Variants in ESR1 observed in about 807,000 individuals in gnomAD.
The protein encoded by ESR1 is estrogen receptor 1.
Under a neutral mutation model 52.7 loss-of-function variants are expected in ESR1, and 12 were observed. The ratio of observed to expected loss-of-function variants is 0.23; its 90% CI spans 0.15 to 0.37. The LOEUF is 0.37. ESR1 is among the 10% of genes least tolerant of loss of function. The pLI, the probability that ESR1 is intolerant of heterozygous loss-of-function variation, is 1.00. For missense variants in ESR1, 584 were observed against 779.7 expected (o/e 0.75, Z 2.99); for synonymous variants, 305 against 316.8 (o/e 0.96, Z 0.39).
intron 6 of ESR1, among the ~76,000 whole-genome samples, chr6:152,115,774 T>C (rs1274128760): frequency 1.3e-5 from 2 of 152,218 alleles, no homozygotes; most frequent in Admixed American, 6.5e-5. Context: ...ACAATTATTA[T>C]ACAAACTAGC....
intron 4 of ESR1, among the ~76,000 whole-genome samples, chr6:151,973,734 T>C (rs1260654261): frequency 2.0e-5 from 3 of 152,182 alleles, no homozygotes; most frequent in Non-Finnish European, 2.9e-5. Flanking sequence ...TAAGTATGAA[T>C]GCCACCTTGA....
intron 2 of ESR1, among the ~76,000 whole-genome samples, chr6:151,869,601 T>C (rs1251498289): frequency 5.9e-5 from 9 of 152,058 alleles, no homozygotes; most frequent in Non-Finnish European, 1.0e-4. Context: ...AAGTTAGAGG[T>C]TGGACAAAAA....
chr6:151,939,999 C>T (rs2034861402), intron 3 of ESR1, among the ~76,000 whole-genome samples: 1 of 151,988 alleles, frequency 6.6e-6, no homozygotes, highest in East Asian at 1.9e-4. Context: ...TATATTAGTC[C>T]ATTTTCATAC....
At chr6:151,715,813 C>T (rs1418231903) in intron 2 of ESR1, among the ~76,000 whole-genome samples, 2 of 152,126 alleles carry the variant, frequency 1.3e-5, no homozygotes, top group Non-Finnish European at 2.9e-5. Flanking sequence ...TGTTATTACT[C>T]ACCTTCTGAA....
At chr6:151,948,365 T>G (rs1278175820) in intron 4 of ESR1, among the ~76,000 whole-genome samples, 1 of 152,206 alleles carries the variant, frequency 6.6e-6, no homozygotes, top group Non-Finnish European at 1.5e-5. Flanking sequence ...TTATGAAGAT[T>G]TGGATAGATA....
intron 2 of ESR1, among the ~76,000 whole-genome samples, chr6:151,864,652 G>A (rs1392739341): frequency 1.1e-4 from 16 of 151,938 alleles, no homozygotes; most frequent in Non-Finnish European, 1.5e-4. Flanking sequence ...TGTTTATTGC[G>A]GCACTATTCA....
At chr6:152,046,392 G>A (rs775630568) in intron 5 of ESR1, among the ~76,000 whole-genome samples, 7 of 152,132 alleles carry the variant, frequency 4.6e-5, no homozygotes, top group Non-Finnish European at 8.8e-5. Context: ...CCAAATCATT[G>A]CACTTTTCAG....
rs529671433 is a variant in ESR1 at position 151,761,031 on chromosome 6, A to G, written c.-70-46812A>G. ...ATGTTACTTTCAAGAAGGTAACTAT[A>G]CATCGCTCTCTACTAGCATGCTGTT... On this transcript the variant is annotated intron_variant, in intron 2 of 2. Coordinates refer to the ESR1 transcript ENST00000404742. Among the ~76,000 whole-genome samples the G allele has an allele frequency of 9.2e-5, 14 of 152,320 alleles. No individual in the cohort carries two copies. The South Asian group carries it at 2.7e-3, about 29-fold the overall frequency.
intron 6 of ESR1, among the ~76,000 whole-genome samples, chr6:152,092,571 G>A (rs970650535): frequency 6.6e-6 from 1 of 152,034 alleles, no homozygotes; most frequent in Non-Finnish European, 1.5e-5. Flanking sequence ...AGGGGAGAGG[G>A]GAGGAGAAGG....
intron 5 of ESR1, among the ~76,000 whole-genome samples, chr6:152,051,598 C>T (rs748871250): frequency 1.3e-5 from 2 of 152,070 alleles, no homozygotes; most frequent in African/African-American, 2.4e-5. Flanking sequence ...TCTCTCCTCT[C>T]CCTCTGTGCA....
At chr6:151,954,681 A>G (rs2036706918) in intron 4 of ESR1, among the ~76,000 whole-genome samples, 1 of 152,242 alleles carries the variant, frequency 6.6e-6, no homozygotes, top group Non-Finnish European at 1.5e-5. Context: ...CATATTTTCA[A>G]ACTAGGTAGA....
intron 5 of ESR1, among the ~76,000 whole-genome samples, chr6:152,060,455 C>T (rs773575795): frequency 7.2e-5 from 11 of 152,084 alleles, no homozygotes; most frequent in Admixed American, 4.6e-4. Flanking sequence ...ACTTATATAC[C>T]ATCTCCTGCA....
intron 4 of ESR1, among the ~76,000 whole-genome samples, chr6:151,959,477 C>A (rs2037402342): frequency 6.6e-6 from 1 of 152,216 alleles, no homozygotes. Flanking sequence ...GCCCTCTCAT[C>A]TTTTTCTCAA....
chr6:151,856,638 A>G (rs1787894577), intron 2 of ESR1, among the ~76,000 whole-genome samples: 1 of 152,130 alleles, frequency 6.6e-6, no homozygotes, highest in African/African-American at 2.4e-5. Context: ...CCTATATAAT[A>G]CTTTTTCTTA....
chr6:151,806,666 C>A (rs1372513975), upstream of ESR1, among the ~76,000 whole-genome samples: 1 of 151,396 alleles, frequency 6.6e-6, no homozygotes, highest in Non-Finnish European at 1.5e-5. Context: ...CATATCCTAG[C>A]CCAAGTGAAC....
At position 152,098,256 on chromosome 6, in the gene ESR1, T is replaced by C. The variant is rs1163577963; in HGVS notation, c.1554-476T>C. Among the ~76,000 whole-genome samples, 1 of 152,144 alleles carries C rather than the reference T, an allele frequency of 6.6e-6. No individual in the cohort carries two copies. The highest frequency in any genetic ancestry group is 1.5e-5 in the Non-Finnish European group (1 of 68,038). Reference sequence around the variant, plus strand: ...CATTTAGATCGTATTCTGAGTTAAATGGGAAGTGACGTGAGAGATTTAACA... The same window carrying C: ...CATTTAGATCGTATTCTGAGTTAAACGGGAAGTGACGTGAGAGATTTAACA... On this transcript the variant is annotated intron_variant, in intron 7 of 7. Coordinates refer to ENST00000206249, the MANE Select transcript of ESR1 (RefSeq NM_000125.4). This position sits in a 1 kb window ranked among gnomAD's most constrained non-coding sequence, Gnocchi z 5.1.
chr6:151,917,671 T>C (rs2030593876), intron 3 of ESR1, among the ~76,000 whole-genome samples: 1 of 152,182 alleles, frequency 6.6e-6, no homozygotes, highest in African/African-American at 2.4e-5. Context: ...TGGTAACCTG[T>C]GATTGATTTC....
intron 5 of ESR1, among the ~76,000 whole-genome samples, chr6:152,049,001 G>A (rs1303109287): frequency 6.6e-6 from 1 of 152,178 alleles, no homozygotes; most frequent in African/African-American, 2.4e-5. Flanking sequence ...ATTCTTCCCT[G>A]TGGTACATAC....
chr6:151,827,510 T>C (rs1313466480), intron 1 of ESR1, among the ~76,000 whole-genome samples: 6 of 152,160 alleles, frequency 3.9e-5, no homozygotes, highest in South Asian at 2.1e-4. Context: ...TGACATTTTA[T>C]TGTGAACGTT....
Sources: gnomAD v4.1 joint callset for allele counts (sites outside exome capture counted in the v4.1 genomes callset) on GRCh38, gnomAD v4.1.1 for gene constraint, Gnocchi (gnomAD v3.1) non-coding constraint, MANE v1.5 for transcripts, NCBI Gene and HGNC (gene_info 2026-07-23, HGNC 2026-07-21) for gene names.